ABL2: variants seen among roughly 807,000 people sequenced by gnomAD.
ABL2 encodes tyrosine-protein kinase ABL2.
Under a neutral mutation model 107.7 loss-of-function variants are expected in ABL2, and 49 were observed. The ratio of observed to expected loss-of-function variants is 0.45; its 90% CI spans 0.36 to 0.58. ABL2 has a LOEUF of 0.58. ABL2 is among the 20% of genes least tolerant of loss of function. The pLI is 0.00. For synonymous variants in ABL2, 549 were observed against 548.6 expected, an observed-to-expected ratio of 1.00 and a Z score of -0.01; for missense variants, 1,245 against 1,457.0, an observed-to-expected ratio of 0.85 and a Z score of 2.37.
intron 1 of ABL2, among the ~76,000 whole-genome samples, chr1:179,170,266 T>C (rs1659643381): frequency 6.6e-6 from 1 of 152,166 alleles, no homozygotes; most frequent in African/African-American, 2.4e-5. Flanking sequence ...GGAGCCCTCA[T>C]GACCTAATTA....
Position 179,108,329 on chromosome 1 carries a change from G to T in ABL2, c.2938C>A (p.Pro980Thr). The T allele has an allele frequency of 6.2e-7, 1 of 1,614,224 alleles. No homozygotes were observed. The highest frequency in any genetic ancestry group is 2.2e-5 in the East Asian group (1 of 44,880). ...GDKDRPRRVK[P>T]KCAPPPPPVM... ...GGTGGTGGGGGTGGGGCACACTTTGGTTTTACCCGTCGGGGTCGGTCCTTG... is the reference window on the plus strand; with the variant it reads ...GGTGGTGGGGGTGGGGCACACTTTGTTTTTACCCGTCGGGGTCGGTCCTTG... Residue 980 changes from proline (P) to threonine (T), a missense_variant, in exon 12 of 12, where the codon CCA becomes ACA. By Grantham distance (38) the Pro-to-Thr change is conservative (BLOSUM62 -1). This residue lies in a region of ABL2 where 761 missense variants were observed against 766.4 expected (regional missense o/e 0.99). Transcript: ENST00000502732.
intron 1 of ABL2, among the ~76,000 whole-genome samples, chr1:179,198,269 C>T (rs148934596): frequency 4.6e-5 from 7 of 151,082 alleles, no homozygotes; most frequent in East Asian, 1.9e-4. Flanking sequence ...GGAGAGAATA[C>T]GATAAAATAA....
intron 1 of ABL2, among the ~76,000 whole-genome samples, chr1:179,216,362 C>G (rs1036508699): frequency 6.6e-6 from 1 of 152,200 alleles, no homozygotes; most frequent in Non-Finnish European, 1.5e-5. Context: ...AATTTACATA[C>G]TGAAATTATG....
intron 10 of ABL2, chr1:179,110,926 T>A: frequency 1.3e-6 from 2 of 1,584,604 alleles, no homozygotes; most frequent in Non-Finnish European, 1.7e-6. Flanking sequence ...CTATTTTGCA[T>A]GAAAGCTGTG....
chr1:179,189,566 G>A (rs1384986670), intron 1 of ABL2, among the ~76,000 whole-genome samples: 4 of 152,262 alleles, frequency 2.6e-5, no homozygotes, highest in South Asian at 4.1e-4. Flanking sequence ...CTAGGAAGTC[G>A]TTATGTACAT....
At chr1:179,205,622 G>T (rs926301885) in intron 1 of ABL2, among the ~76,000 whole-genome samples, 1 of 152,124 alleles carries the variant, frequency 6.6e-6, no homozygotes, top group African/African-American at 2.4e-5. Flanking sequence ...CTCCTTTGGG[G>T]GGTCTGAGGG....
chr1:179,212,690 G>A (rs1300834779), intron 1 of ABL2, among the ~76,000 whole-genome samples: 2 of 144,668 alleles, frequency 1.4e-5, no homozygotes, highest in Non-Finnish European at 1.5e-5. Context: ...CCAAGATCGT[G>A]CCATTGCACT....
intron 1 of ABL2, among the ~76,000 whole-genome samples, chr1:179,168,409 T>G (rs1346833031): frequency 2.0e-5 from 3 of 152,232 alleles, no homozygotes; most frequent in South Asian, 4.1e-4. Context: ...TGTATATTTT[T>G]TATTGTTTTT....
At chr1:179,212,217 C>T (rs1367755029) in intron 1 of ABL2, among the ~76,000 whole-genome samples, 12 of 152,164 alleles carry the variant, frequency 7.9e-5, no homozygotes, top group Non-Finnish European at 1.3e-4. Context: ...TCATCTCCAC[C>T]TGGTTCTACC....
Position 179,201,874 on chromosome 1 carries a change from T to C in ABL2, c.157+27367A>G. ...AGGACTCTTTGAGACATCAAGACCC[T>C]CTACAACACCTCCATTGAGGAAATG... On this transcript the variant is annotated intron_variant, in intron 1 of 11. Coordinates refer to ENST00000502732, the MANE Select transcript of ABL2 (RefSeq NM_007314.4). 3 of 1,347,474 alleles carry C rather than the reference T, an allele frequency of 2.2e-6. No individual in the cohort carries two copies. In the South Asian group the frequency reaches 4.8e-5, roughly 21 times the overall value. 83.5% of individuals were successfully genotyped at this position (1,347,474 alleles called of 1,614,324 possible). A position where few individuals can be genotyped will look rare whatever the true frequency, so the allele number is the denominator to read the frequency against.
rs994103474 is a variant in ABL2 at position 179,134,701 on chromosome 1, G to GCAGCCT, written c.158-1333_158-1328dup. Among the ~76,000 whole-genome samples the GCAGCCT allele has an allele frequency of 3.7e-5, 5 of 134,070 alleles. No homozygotes were observed. In the Admixed American group the frequency reaches 4.0e-4, roughly 11 times the overall value. 88.0% of individuals were successfully genotyped at this position (134,070 alleles called of 152,430 possible). On this transcript the variant is annotated intron_variant, in intron 1 of 11. Coordinates refer to ENST00000502732, the MANE Select transcript of ABL2 (RefSeq NM_007314.4). ...TCATAAACCAGCATAGGTGAAAATT[G>GCAGCCT]CAGCCTCAGCCTCTCCCTCTCCCTC...
chr1:179,200,060 T>C lies in ABL2; in HGVS notation c.157+29181A>G, dbSNP rs1661576299. 4.9e-5 allele frequency among the ~76,000 whole-genome samples: 5 copies of C among 102,770 alleles called. 1 individual carries two copies. The South Asian group carries it at 1.4e-3, about 30-fold the overall frequency. 67.4% of individuals were successfully genotyped at this position (102,770 alleles called of 152,430 possible). Reference sequence around the variant, plus strand: ...ATGCCTTTTTTTTTTTTTTTTTTTTTTTTTAAGACGGAGTCTCCCTCTGTC... The same window carrying C: ...ATGCCTTTTTTTTTTTTTTTTTTTTCTTTTAAGACGGAGTCTCCCTCTGTC... On this transcript the variant is annotated intron_variant, in intron 1 of 11. Transcript: ENST00000502732.
In ABL2 at chr1:179,229,605, T is replaced by C; in HGVS notation, c.-208A>G. 1 of 531,952 alleles carries C rather than the reference T, an allele frequency of 1.9e-6. No homozygotes were observed. The highest frequency in any genetic ancestry group is 3.1e-6 in the Non-Finnish European group (1 of 321,024). The allele number at this position is 531,952 out of a possible 1,614,324, so 33.0% of individuals were successfully genotyped here. A position where few individuals can be genotyped will look rare whatever the true frequency, so the allele number is the denominator to read the frequency against. On this transcript the variant is annotated 5_prime_UTR_variant, in exon 1 of 12. Coordinates refer to ENST00000502732, the MANE Select transcript of ABL2 (RefSeq NM_007314.4). ...GCGACTCACAGATTCTGCTTTTCCC[T>C]CCTCCTGTCGCGGCTCCGCGCCCCC... is the stretch of plus-strand genomic sequence containing the variant.
chr1:179,184,116 G>A (rs776231336), intron 1 of ABL2: 4 of 292,828 alleles, frequency 1.4e-5, no homozygotes, highest in Non-Finnish European at 2.6e-5. Flanking sequence ...TCCAAGTTTT[G>A]GGGTTACAAC....
intron 1 of ABL2, among the ~76,000 whole-genome samples, chr1:179,199,360 T>C (rs1166985855): frequency 2.6e-5 from 4 of 152,226 alleles, no homozygotes; most frequent in East Asian, 1.9e-4. Context: ...CAGTGGGTGA[T>C]TGTGGAGATC....
In ABL2 at chr1:179,100,384, C is replaced by T. The variant is rs779554850; in HGVS notation, c.*7334G>A. The T allele has an allele frequency of 3.1e-5, 7 of 226,688 alleles. No individual in the cohort carries two copies. Among genetic ancestry groups the T allele is most frequent in the Admixed American group, 1.1e-4 (2 of 17,560 alleles). 14.0% of individuals were successfully genotyped at this position (226,688 alleles called of 1,614,324 possible). Reference sequence around the variant, plus strand: ...AGGTTTACTGTTGATGACACTAAAGCGTTCCCAGTCCTGCAAAACCTTCTG... The same window carrying T: ...AGGTTTACTGTTGATGACACTAAAGTGTTCCCAGTCCTGCAAAACCTTCTG... On this transcript the variant is annotated 3_prime_UTR_variant, in exon 12 of 12. Coordinates refer to ENST00000502732, the MANE Select transcript of ABL2 (RefSeq NM_007314.4).
intron 1 of ABL2, among the ~76,000 whole-genome samples, chr1:179,146,067 G>A (rs1657967971): frequency 6.6e-6 from 1 of 152,002 alleles, no homozygotes; most frequent in South Asian, 2.1e-4. Context: ...GCTAATTTTT[G>A]TATTTTTAGT....
At chr1:179,125,152 T>C (rs1655618696) in intron 4 of ABL2, among the ~76,000 whole-genome samples, 1 of 152,216 alleles carries the variant, frequency 6.6e-6, no homozygotes, top group South Asian at 2.1e-4. Context: ...AACTGTGAAC[T>C]ACTCAGCACT....
At chr1:179,131,884 G>T (rs1572664166) in intron 2 of ABL2, among the ~76,000 whole-genome samples, 1 of 152,274 alleles carries the variant, frequency 6.6e-6, no homozygotes, top group East Asian at 1.9e-4. Flanking sequence ...AGAAATGATT[G>T]TAAGTTTCTT....
Sources: gnomAD v4.1 joint callset for allele counts (sites outside exome capture counted in the v4.1 genomes callset) on GRCh38, gnomAD v4.1.1 for gene constraint, gnomAD v4.1.1 regional missense constraint, MANE v1.5 for transcripts, NCBI Gene and HGNC (gene_info 2026-07-23, HGNC 2026-07-21) for gene names.